Variants in CAST observed in about 807,000 individuals in gnomAD.
CAST encodes MIR583 host.
CAST carries 76 observed loss-of-function variants against 119.6 expected under a neutral mutation model. That is an observed-to-expected ratio of 0.64 (90% CI 0.53 to 0.77). CAST has a LOEUF of 0.77. CAST is among the 30% of genes least tolerant of loss of function. The pLI, the probability that CAST is intolerant of heterozygous loss-of-function variation, is 0.00. For synonymous variants in CAST, 319 were observed against 331.6 expected, an observed-to-expected ratio of 0.96 and a Z score of 0.41; for missense variants, 953 against 946.5, an observed-to-expected ratio of 1.01 and a Z score of -0.09.
the CAST span, among the ~76,000 whole-genome samples, chr5:96,314,444 G>C: frequency 1.3e-5 from 2 of 152,260 alleles, no homozygotes; most frequent in East Asian, 3.9e-4. Flanking sequence ...CTATGTATTT[G>C]TAGCATAGGT....
the CAST span, chr5:96,429,180 G>T: frequency 9.6e-7 from 1 of 1,042,994 alleles, no homozygotes; most frequent in Non-Finnish European, 1.5e-6. Context: ...ATAAGCTAGA[G>T]TATTGGTTTG....
the CAST span, among the ~76,000 whole-genome samples, chr5:96,157,297 G>C: frequency 6.6e-6 from 1 of 152,218 alleles, no homozygotes; most frequent in Non-Finnish European, 1.5e-5. Context: ...TGTAAAGGAA[G>C]TGGTTGGACT....
intron 3 of CAST, 51 bp from the exon 4 acceptor site, chr5:96,722,588 G>A: frequency 7.4e-7 from 1 of 1,356,658 alleles, no homozygotes; most frequent in South Asian, 1.2e-5. Context: ...GGACCATGTA[G>A]ATTGTAGGTT....
chr5:96,236,359 C>A, the CAST span, among the ~76,000 whole-genome samples: 1 of 152,154 alleles, frequency 6.6e-6, no homozygotes, highest in African/African-American at 2.4e-5. Flanking sequence ...CTGACCTGGT[C>A]CCCCGTGAAT....
the CAST span, among the ~76,000 whole-genome samples, chr5:96,183,199 A>G: frequency 7.5e-6 from 1 of 133,952 alleles, no homozygotes; most frequent in East Asian, 2.2e-4. Context: ...ATAATAATAC[A>G]ATGTTTCTGA....
intron 2 of CAST, among the ~76,000 whole-genome samples, chr5:96,689,545 A>T (rs149319): frequency 0.38 from 57,663 of 152,090 alleles, 12,672 homozygotes; most frequent in African/African-American, 0.58. Flanking sequence ...TAGCTAACAC[A>T]TAAATAGGCA....
chr5:96,769,700 T>G (rs1012332900), intron 29 of CAST: 2 of 151,958 alleles, frequency 1.3e-5, no homozygotes, highest in African/African-American at 4.8e-5. Flanking sequence ...TCTGCATATC[T>G]GCTATTTTGT....
At chr5:96,686,857 C>A (rs973228532) in intron 2 of CAST, among the ~76,000 whole-genome samples, 1 of 151,908 alleles carries the variant, frequency 6.6e-6, no homozygotes, top group African/African-American at 2.4e-5. Flanking sequence ...GGTGTAGGGA[C>A]CACTGCAAGG....
At chr5:96,057,050 A>G in the CAST span, among the ~76,000 whole-genome samples, 1 of 152,186 alleles carries the variant, frequency 6.6e-6, no homozygotes, top group African/African-American at 2.4e-5. Flanking sequence ...ACTTTTATGT[A>G]CAGAAAAAAG....
chr5:96,468,821 A>G, the CAST span, among the ~76,000 whole-genome samples: 11 of 152,214 alleles, frequency 7.2e-5, no homozygotes, highest in Admixed American at 6.6e-4. Flanking sequence ...CTGTCTGACA[A>G]CATGGAGAGA....
At chr5:96,030,802 T>C in the CAST span, among the ~76,000 whole-genome samples, 5 of 152,160 alleles carry the variant, frequency 3.3e-5, no homozygotes, top group African/African-American at 1.2e-4. Flanking sequence ...TCCTAGCATT[T>C]TGGGAGGCCC....
the CAST span, among the ~76,000 whole-genome samples, chr5:96,198,322 T>C: frequency 1.3e-5 from 2 of 152,156 alleles, no homozygotes; most frequent in Non-Finnish European, 2.9e-5. Flanking sequence ...GTTGCAAAAA[T>C]TAAAAGAAAT....
the CAST span, among the ~76,000 whole-genome samples, chr5:96,145,237 T>A: frequency 6.6e-6 from 1 of 152,232 alleles, no homozygotes; most frequent in African/African-American, 2.4e-5. Flanking sequence ...GATAATGCTT[T>A]TGCAGCTGTA....
chr5:96,599,043 A>T (rs902650439), intron 1 of CAST, among the ~76,000 whole-genome samples: 1 of 152,008 alleles, frequency 6.6e-6, no homozygotes, highest in African/African-American at 2.4e-5. Context: ...GATCTCTCAG[A>T]CTCCATAATC....
chr5:96,432,160 G>T, the CAST span: 1 of 1,533,414 alleles, frequency 6.5e-7, no homozygotes, highest in Non-Finnish European at 8.7e-7. Context: ...GGGACTGGCC[G>T]GGCAAAGTTA....
In CAST at chr5:96,771,854, T is replaced by C. The variant is rs372139433; in HGVS notation, c.*23+152T>C. 622 of 473,740 alleles carry C rather than the reference T, an allele frequency of 1.3e-3. 5 individuals are homozygous for C. Among genetic ancestry groups the C allele is most frequent in the South Asian group, 0.011 (249 of 21,696 alleles). The allele number at this position is 473,740 out of a possible 1,614,324, so 29.3% of individuals were successfully genotyped here. On this transcript the variant is annotated intron_variant, in intron 31 of 31. Transcript: ENST00000675179. The stretch of plus-strand genomic sequence containing the variant: ...GCATACTGCAAGATCTACAGAGTAA[T>C]TGGTCATTCTCTGAAAGCACTAAAT...
At chr5:96,724,690 G>C (rs554770911) in intron 4 of CAST, among the ~76,000 whole-genome samples, 7 of 151,936 alleles carry the variant, frequency 4.6e-5, no homozygotes, top group Non-Finnish European at 7.4e-5. Flanking sequence ...AGGTGTGGTG[G>C]TTTACTCCTG....
chr5:96,769,514 A>G lies in CAST; in HGVS notation c.2269-1017A>G, dbSNP rs911721206. ...GAGGTTTACAACATGGTAGTTTGGG[A>G]TGCATAGAAATAATAAAATGGTTAC... On this transcript the variant is annotated intron_variant, in intron 29 of 31. Transcript: ENST00000675179. The G allele has an allele frequency of 8.9e-4, 135 of 151,590 alleles. 2 individuals carry two copies. The highest frequency in any genetic ancestry group is 3.0e-3 in the African/African-American group (124 of 41,328). 9.4% of individuals were successfully genotyped at this position (151,590 alleles called of 1,614,324 possible).
chr5:96,202,578 AAAC>A, the CAST span, among the ~76,000 whole-genome samples: 1 of 152,136 alleles, frequency 6.6e-6, no homozygotes, highest in Admixed American at 6.6e-5. Flanking sequence ...TAGCAAAACA[AAAC>A]AAAACTTTCT....
Sources: gnomAD v4.1 joint callset for allele counts (sites outside exome capture counted in the v4.1 genomes callset) on GRCh38, gnomAD v4.1.1 for gene constraint, MANE v1.5 for transcripts, NCBI Gene and HGNC (gene_info 2026-07-23, HGNC 2026-07-21) for gene names.